TTC7A: variants seen among roughly 807,000 people sequenced by gnomAD.
TTC7A encodes the protein tetratricopeptide repeat protein 7A.
TTC7A carries 110 observed loss-of-function variants against 103.7 expected under a neutral mutation model. That is an observed-to-expected ratio of 1.06 (90% CI 0.91 to 1.24). The LOEUF is 1.24. Among genes scored for constraint, TTC7A ranks in the 50% most tolerant of loss-of-function variants. The probability of loss-of-function intolerance (pLI) is 0.00; values close to 1 mark genes in which losing one functional copy is unlikely to be tolerated. For missense variants in TTC7A, 1,340 were observed against 1,116.3 expected, an observed-to-expected ratio of 1.20 and a Z score of -2.86; for synonymous variants, 521 against 467.9, an observed-to-expected ratio of 1.11 and a Z score of -1.47.
chr2:47,005,791 G>A, intron 8 of TTC7A, 131 bp from the exon 9 acceptor site: 3 of 950,626 alleles, frequency 3.2e-6, no homozygotes, highest in South Asian at 3.0e-5. Context: ...CTGGGAGTGT[G>A]GCCATCTTTC....
chr2:47,054,409 A>G (rs1683146125), intron 18 of TTC7A, among the ~76,000 whole-genome samples: 1 of 152,272 alleles, frequency 6.6e-6, no homozygotes, highest in South Asian at 2.1e-4. Context: ...CCCCTTCCCT[A>G]TAAGGACATG....
chr2:47,053,862 C>CCAG (rs1558633504), intron 18 of TTC7A, among the ~76,000 whole-genome samples: 16 of 152,138 alleles, frequency 1.1e-4, no homozygotes, highest in African/African-American at 3.6e-4. Flanking sequence ...GCGTGAGCCA[C>CCAG]TGCGCCCGGC....
chr2:47,006,067 C>A lies in TTC7A; in HGVS notation c.1203+8C>A. ...TACGTCATGCTCTCGGAGGTACGGC[C>A]GGCCATGCAGCCCACCCCACTCTCC... On this transcript the variant is annotated splice_region_variant and intron_variant, in intron 9 of 19. Coordinates refer to ENST00000319190, the MANE Select transcript of TTC7A (RefSeq NM_020458.4). The A allele has an allele frequency of 6.2e-7, 1 of 1,611,032 alleles. No homozygotes were observed. Among genetic ancestry groups the A allele is most frequent in the South Asian group, 1.1e-5 (1 of 90,988 alleles).
chr2:47,058,228 C>T (rs1683479974), intron 18 of TTC7A, among the ~76,000 whole-genome samples: 1 of 152,242 alleles, frequency 6.6e-6, no homozygotes, highest in South Asian at 2.1e-4. Flanking sequence ...ATTTCTCTCC[C>T]ATATCCAGGA....
chr2:47,011,344 T>C lies in TTC7A; in HGVS notation c.1301T>C (p.Val434Ala). Residue 434 changes from valine to alanine, a missense_variant, in exon 11 of 20, where the codon GTG (valine) becomes GCG (alanine). Transcript: ENST00000319190. ...TTTTTTCTGCAGTCAGCCTACGCTG[T>C]GTCCCTGCTGCGGGAGTGTGTGAAG... The part of the protein sequence containing the change: ...MVACGKSAYA[V>A]SLLRECVKLR... The C allele has an allele frequency of 2.5e-6, 4 of 1,613,470 alleles. No individual in the cohort carries two copies. Among genetic ancestry groups the C allele is most frequent in the Middle Eastern group, 1.7e-4 (1 of 6,060 alleles).
At chr2:47,065,846 C>G (rs1343628506) in intron 19 of TTC7A, 1 of 152,098 alleles carries the variant, frequency 6.6e-6, no homozygotes, top group Non-Finnish European at 1.5e-5. Flanking sequence ...TTGACACCCT[C>G]AAGCATGAGT....
At position 47,074,764 on chromosome 2, in the gene TTC7A, G is replaced by C. The variant is rs375506364; in HGVS notation, c.*841G>C. 1 of 152,264 alleles carries C rather than the reference G, an allele frequency of 6.6e-6. No individual in the cohort carries two copies. The highest frequency in any genetic ancestry group is 2.4e-5 in the African/African-American group (1 of 41,376). 9.4% of individuals were successfully genotyped at this position (152,264 alleles called of 1,614,324 possible). ...CACAGCCCTTTTTTTGCCTTGATTC[G>C]AGCCTCACCCTGGCCTTTTGGCTTC... On this transcript the variant is annotated 3_prime_UTR_variant, in exon 20 of 20. Coordinates refer to ENST00000319190, the MANE Select transcript of TTC7A (RefSeq NM_020458.4).
In TTC7A at chr2:46,974,970, C is replaced by G; in HGVS notation, c.518-3C>G. Reference sequence around the variant, plus strand: ...GGTCTGAGGCACCCTCTTCCTCCCGCAGGCCTCTCTCTGGAACGCCTACCC... The same window carrying G: ...GGTCTGAGGCACCCTCTTCCTCCCGGAGGCCTCTCTCTGGAACGCCTACCC... On this transcript the variant is annotated splice_region_variant and splice_polypyrimidine_tract_variant and intron_variant, in intron 3 of 19. Coordinates refer to ENST00000319190, the MANE Select transcript of TTC7A (RefSeq NM_020458.4). 6.2e-7 allele frequency: 1 copy of G among 1,613,356 alleles called. No individual in the cohort carries two copies. The highest frequency in any genetic ancestry group is 8.5e-7 in the Non-Finnish European group (1 of 1,179,648).
At chr2:47,039,691 A>G (rs375851601) in intron 15 of TTC7A, among the ~76,000 whole-genome samples, 1 of 152,232 alleles carries the variant, frequency 6.6e-6, no homozygotes, top group South Asian at 2.1e-4. Context: ...TCCTTTTGAC[A>G]AATAATTAGC....
chr2:47,060,057 C>G (rs1017346249), intron 18 of TTC7A, among the ~76,000 whole-genome samples: 1 of 152,094 alleles, frequency 6.6e-6, no homozygotes, highest in African/African-American at 2.4e-5. Context: ...ACTCTGGAGA[C>G]TGAGGTAGGA....
intron 2 of TTC7A, among the ~76,000 whole-genome samples, chr2:46,954,170 A>G (rs1191060670): frequency 1.3e-5 from 2 of 152,188 alleles, no homozygotes; most frequent in Admixed American, 1.3e-4. Context: ...TCTGTGAAGT[A>G]TTTCCTCATC....
chr2:46,926,618 C>T (rs897171394), intron 2 of TTC7A, among the ~76,000 whole-genome samples: 1 of 152,064 alleles, frequency 6.6e-6, no homozygotes, highest in Non-Finnish European at 1.5e-5. Context: ...TTGGTAGAGC[C>T]CCCCCAGGTG....
chr2:47,072,979 C>T (rs1229156619), intron 19 of TTC7A, among the ~76,000 whole-genome samples: 1 of 152,166 alleles, frequency 6.6e-6, no homozygotes, highest in Non-Finnish European at 1.5e-5. Context: ...TTGAGCCAAA[C>T]AGCAGGGCCA....
intron 2 of TTC7A, among the ~76,000 whole-genome samples, chr2:46,954,306 T>G (rs1461721919): frequency 1.3e-5 from 2 of 152,214 alleles, no homozygotes; most frequent in Non-Finnish European, 2.9e-5. Flanking sequence ...GTTCCTCTGG[T>G]AAAGCGACCT....
intron 14 of TTC7A, among the ~76,000 whole-genome samples, chr2:47,028,138 G>C (rs1308352911): frequency 6.6e-6 from 1 of 152,132 alleles, no homozygotes; most frequent in Non-Finnish European, 1.5e-5. Context: ...GTTGTGCTGA[G>C]AATGGTCTCT....
chr2:47,043,421 G>GGCTACAGCAGAA (rs1186705497), intron 15 of TTC7A, among the ~76,000 whole-genome samples: 2 of 152,190 alleles, frequency 1.3e-5, no homozygotes, highest in Admixed American at 6.5e-5. Flanking sequence ...TCTCAGCAGA[G>GGCTACAGCAGAA]GCTACAGCAG....
intron 14 of TTC7A, 21 bp downstream of exon 14, chr2:47,024,380 AC>A: frequency 1.3e-6 from 2 of 1,591,730 alleles, no homozygotes; most frequent in Non-Finnish European, 8.6e-7. Flanking sequence ...CGTGTTCCTA[AC>A]CCCCGGGTCC....
chr2:47,060,379 A>T (rs190677558), intron 18 of TTC7A, among the ~76,000 whole-genome samples: 86 of 152,216 alleles, frequency 5.6e-4, no homozygotes, highest in Non-Finnish European at 8.2e-4. Context: ...CTAAATAAAT[A>T]AATTAATTTT....
chr2:47,008,744 T>A (rs1332829967), intron 10 of TTC7A, among the ~76,000 whole-genome samples: 1 of 152,170 alleles, frequency 6.6e-6, no homozygotes, highest in Non-Finnish European at 1.5e-5. Flanking sequence ...ATCAAGGGCC[T>A]GTATCTGTGA....
Sources: allele counts gnomAD v4.1 joint callset (sites outside exome capture counted in the v4.1 genomes callset), GRCh38; gene constraint gnomAD v4.1.1; transcripts MANE v1.5; gene names NCBI Gene and HGNC (gene_info 2026-07-23, HGNC 2026-07-21).